TCEANC2: variants seen among roughly 807,000 people sequenced by gnomAD.
The protein encoded by TCEANC2 is transcription elongation factor A N-terminal and central domain-containing protein 2.
Under a neutral mutation model 22.8 loss-of-function variants are expected in TCEANC2, and 20 were observed. That is an observed-to-expected ratio of 0.88 (90% CI 0.62 to 1.28). The LOEUF is 1.28. TCEANC2 is among the 50% of genes most tolerant of loss of function. The probability of loss-of-function intolerance (pLI) is 0.00; values close to 1 mark genes in which losing one functional copy is unlikely to be tolerated. For synonymous variants in TCEANC2, 84 were observed against 95.5 expected (o/e 0.88, Z 0.70); for missense variants, 251 against 249.7 (o/e 1.01, Z -0.03).
chr1:54,104,608 C>T lies in TCEANC2; in HGVS notation c.*8135C>T, dbSNP rs1304543377. On this transcript the variant is annotated 3_prime_UTR_variant, in exon 5 of 5. Transcript: ENST00000234827. ...CCAGGCTGGAGTGCAGTGGCACCAT[C>T]TCGGCTCACTGCAACCTCTGCCTCC... 1 of 452,366 alleles carries T rather than the reference C, an allele frequency of 2.2e-6. No individual in the cohort carries two copies. The highest frequency in any genetic ancestry group is 2.0e-5 in the African/African-American group (1 of 49,890). 28.0% of individuals were successfully genotyped at this position (452,366 alleles called of 1,614,324 possible).
In TCEANC2 at chr1:54,112,419, A is replaced by G. The variant is rs1658854691; in HGVS notation, n.2438A>G. 2.0e-5 allele frequency: 3 copies of G among 152,218 alleles called. No homozygotes were observed. In the South Asian group the frequency reaches 6.2e-4, roughly 32 times the overall value. The allele number at this position is 152,218 out of a possible 1,614,324, so 9.4% of individuals were successfully genotyped here. ...ATAATAACAATAAAAGCTAACATTTATGGAGTATTTATTAACTGCCAAGAC... is the reference window on the plus strand; with the variant it reads ...ATAATAACAATAAAAGCTAACATTTGTGGAGTATTTATTAACTGCCAAGAC... On this transcript the variant is annotated non_coding_transcript_exon_variant, in exon 5 of 5. Transcript: ENST00000498272.
At chr1:54,072,746 G>A (rs531525787) in intron 3 of TCEANC2, among the ~76,000 whole-genome samples, 1 of 152,084 alleles carries the variant, frequency 6.6e-6, no homozygotes, top group South Asian at 2.1e-4. Flanking sequence ...GCCCCAAAAT[G>A]TTTTTTATAA....
At chr1:54,086,155 G>T (rs996126384) in intron 3 of TCEANC2, among the ~76,000 whole-genome samples, 1 of 151,984 alleles carries the variant, frequency 6.6e-6, no homozygotes, top group African/African-American at 2.4e-5. Flanking sequence ...CTTTATATGA[G>T]TCTCTCATTC....
At chr1:54,084,709 A>G (rs1658305559) in intron 3 of TCEANC2, among the ~76,000 whole-genome samples, 2 of 152,134 alleles carry the variant, frequency 1.3e-5, no homozygotes. Flanking sequence ...TAAAAATACA[A>G]AAATTAGCCA....
At chr1:54,083,215 G>A (rs1658278994) in intron 3 of TCEANC2, among the ~76,000 whole-genome samples, 1 of 152,162 alleles carries the variant, frequency 6.6e-6, no homozygotes, top group Non-Finnish European at 1.5e-5. Flanking sequence ...TGGATATTTG[G>A]TCTCGTGCTC....
Position 54,097,178 on chromosome 1 carries a change from T to A in TCEANC2, c.*705T>A, listed in dbSNP as rs1313635649. 1.9e-5 allele frequency: 3 copies of A among 160,400 alleles called. No homozygotes were observed. Among genetic ancestry groups the A allele is most frequent in the Non-Finnish European group, 4.0e-5 (3 of 75,372 alleles). 9.9% of individuals were successfully genotyped at this position (160,400 alleles called of 1,614,324 possible). A position where few individuals can be genotyped will look rare whatever the true frequency, so the allele number is the denominator to read the frequency against. On this transcript the variant is annotated 3_prime_UTR_variant, in exon 5 of 5. Transcript: ENST00000234827. ...AGAAGATACATAATGAAATTTCTCT[T>A]GAAATGAATTACTGCAGTAGAAAAA... is the stretch of plus-strand genomic sequence containing the variant.
intron 3 of TCEANC2, among the ~76,000 whole-genome samples, chr1:54,081,790 C>T (rs1401363160): frequency 6.6e-6 from 1 of 152,168 alleles, no homozygotes; most frequent in Non-Finnish European, 1.5e-5. Flanking sequence ...ACAGAACACT[C>T]CTGACCAGTC....
intron 3 of TCEANC2, among the ~76,000 whole-genome samples, chr1:54,080,759 T>A (rs2100373627): frequency 6.6e-6 from 1 of 152,374 alleles, no homozygotes; most frequent in African/African-American, 2.4e-5. Context: ...GCAGGGAATT[T>A]GTCTTAACAG....
chr1:54,062,603 T>C (rs1657879375), intron 2 of TCEANC2, among the ~76,000 whole-genome samples: 1 of 152,182 alleles, frequency 6.6e-6, no homozygotes, highest in African/African-American at 2.4e-5. Flanking sequence ...AAAGCATAGA[T>C]GCAATAATAG....
chr1:54,060,844 A>G (rs1330578109), intron 2 of TCEANC2, among the ~76,000 whole-genome samples: 1 of 151,858 alleles, frequency 6.6e-6, no homozygotes, highest in East Asian at 1.9e-4. Flanking sequence ...TGATTACAGG[A>G]GGCTGGGGAA....
At chr1:54,082,302 C>A (rs1335046842) in intron 3 of TCEANC2, among the ~76,000 whole-genome samples, 1 of 152,192 alleles carries the variant, frequency 6.6e-6, no homozygotes, top group Non-Finnish European at 1.5e-5. Flanking sequence ...CCTTTGGATT[C>A]ATTTCTTTAC....
At chr1:54,065,488 C>T (rs892146213) in intron 2 of TCEANC2, among the ~76,000 whole-genome samples, 1 of 152,036 alleles carries the variant, frequency 6.6e-6, no homozygotes, top group Non-Finnish European at 1.5e-5. Context: ...GAGGCCAAGG[C>T]AGAAAGATCA....
downstream of TCEANC2, among the ~76,000 whole-genome samples, chr1:54,110,020 G>A (rs915464660): frequency 1.3e-5 from 2 of 152,164 alleles, no homozygotes; most frequent in African/African-American, 4.8e-5. Context: ...ATCAAATAGG[G>A]GAGGCTGTGT....
At chr1:54,086,908 G>A (rs1658349226) in intron 3 of TCEANC2, among the ~76,000 whole-genome samples, 1 of 152,188 alleles carries the variant, frequency 6.6e-6, no homozygotes, top group South Asian at 2.1e-4. Flanking sequence ...TAGGGATGGA[G>A]GAAAAGGAGG....
chr1:54,108,077 A>G (rs1658786221), downstream of TCEANC2, among the ~76,000 whole-genome samples: 4 of 152,228 alleles, frequency 2.6e-5, no homozygotes. Flanking sequence ...TCCTGTAAAC[A>G]TAATCAATAT....
At chr1:54,075,216 A>G (rs1658125309) in intron 3 of TCEANC2, among the ~76,000 whole-genome samples, 1 of 152,230 alleles carries the variant, frequency 6.6e-6, no homozygotes, top group African/African-American at 2.4e-5. Flanking sequence ...TTCTCTGGAG[A>G]AATAGGCATT....
At chr1:54,093,949 T>G (rs1008595599) in intron 4 of TCEANC2, among the ~76,000 whole-genome samples, 1 of 152,180 alleles carries the variant, frequency 6.6e-6, no homozygotes, top group Admixed American at 6.5e-5. Flanking sequence ...AAATGCTGGA[T>G]AGCCAGCTAG....
At chr1:54,090,007 C>T in intron 4 of TCEANC2, 1 of 677,612 alleles carries the variant, frequency 1.5e-6, no homozygotes. Flanking sequence ...TTCTGTATTG[C>T]TATATGGACA....
At chr1:54,066,836 G>T (rs1038153159) in intron 2 of TCEANC2, among the ~76,000 whole-genome samples, 2 of 152,060 alleles carry the variant, frequency 1.3e-5, no homozygotes, top group African/African-American at 4.8e-5. Flanking sequence ...CATAGAAAAA[G>T]ACTGTCTCAG....
Sources: allele counts gnomAD v4.1 joint callset (sites outside exome capture counted in the v4.1 genomes callset), GRCh38; gene constraint gnomAD v4.1.1; transcripts MANE v1.5; gene names NCBI Gene and HGNC (gene_info 2026-07-23, HGNC 2026-07-21).